The following ANKRD44 variants were observed in gnomAD, a reference collection of about 807,000 sequenced individuals.
ANKRD44 encodes the protein serine/threonine-protein phosphatase 6 regulatory ankyrin repeat subunit B.
Under a neutral mutation model 116.0 loss-of-function variants are expected in ANKRD44, and 35 were observed. The ratio of observed to expected loss-of-function variants is 0.30; its 90% CI spans 0.23 to 0.40. The LOEUF is 0.40. Among genes scored for constraint, ANKRD44 ranks in the 10% least tolerant of loss-of-function variants. The probability of loss-of-function intolerance (pLI) is 1.00; values close to 1 mark genes in which losing one functional copy is unlikely to be tolerated. For missense variants in ANKRD44, 1,014 were observed against 1,242.6 expected, an observed-to-expected ratio of 0.82 and a Z score of 2.77; for synonymous variants, 435 against 461.8, an observed-to-expected ratio of 0.94 and a Z score of 0.74.
At chr2:197,181,427 T>C (rs1178932353) in intron 2 of ANKRD44, among the ~76,000 whole-genome samples, 2 of 152,212 alleles carry the variant, frequency 1.3e-5, no homozygotes, top group African/African-American at 4.8e-5. Flanking sequence ...GAAATAAACA[T>C]CATGGATTTG....
At chr2:197,013,890 C>T (rs2076341490) in intron 17 of ANKRD44, among the ~76,000 whole-genome samples, 178 bp from the exon 18 acceptor site, 1 of 152,236 alleles carries the variant, frequency 6.6e-6, no homozygotes, top group African/African-American at 2.4e-5. Flanking sequence ...GACTGAAACA[C>T]TACAATGCAC....
At chr2:197,161,513 C>T (rs2079964436) in intron 2 of ANKRD44, among the ~76,000 whole-genome samples, 1 of 152,122 alleles carries the variant, frequency 6.6e-6, no homozygotes, top group Admixed American at 6.5e-5. Flanking sequence ...ATCAAGAATG[C>T]AAGAATAGAG....
At chr2:197,256,364 T>C (rs2082447103) in intron 1 of ANKRD44, among the ~76,000 whole-genome samples, 1 of 152,218 alleles carries the variant, frequency 6.6e-6, no homozygotes, top group Non-Finnish European at 1.5e-5. Context: ...TGACTATGTG[T>C]CTTTGAAAGG....
chr2:197,288,029 A>AAAG (rs2083456069), intron 1 of ANKRD44, among the ~76,000 whole-genome samples: 1 of 151,362 alleles, frequency 6.6e-6, no homozygotes, highest in Admixed American at 6.6e-5. Context: ...CAAAAAAAAA[A>AAAG]AAAAAAAGAA....
At chr2:197,123,829 C>T (rs1672870361) in intron 6 of ANKRD44, among the ~76,000 whole-genome samples, 1 of 151,998 alleles carries the variant, frequency 6.6e-6, no homozygotes, top group South Asian at 2.1e-4. Flanking sequence ...AAATTTGACT[C>T]TTTTCTCTCC....
chr2:197,008,896 C>T, intron 19 of ANKRD44, 48 bp downstream of exon 19: 1 of 1,529,002 alleles, frequency 6.5e-7, no homozygotes, highest in Non-Finnish European at 9.1e-7. Flanking sequence ...AACCAGGTAG[C>T]TGCTGTGATT....
chr2:197,220,597 G>T (rs1488736490), intron 1 of ANKRD44, among the ~76,000 whole-genome samples: 1 of 152,156 alleles, frequency 6.6e-6, no homozygotes, highest in African/African-American at 2.4e-5. Context: ...GCTAGACAAT[G>T]AATGCTTCAA....
intron 1 of ANKRD44, among the ~76,000 whole-genome samples, chr2:197,246,350 CTTTTTTT>C (rs67655796): frequency 1.1e-4 from 7 of 65,868 alleles, no homozygotes; most frequent in East Asian, 6.3e-4. Flanking sequence ...CTACATCTGG[CTTTTTTT>C]TTTTTTTTTT....
intron 16 of ANKRD44, among the ~76,000 whole-genome samples, chr2:197,055,141 G>A (rs542104571): frequency 6.6e-6 from 1 of 152,272 alleles, no homozygotes; most frequent in South Asian, 2.1e-4. Flanking sequence ...GGCAGCAATG[G>A]AACACTAACA....
chr2:197,061,357 C>A (rs2077308093), intron 16 of ANKRD44, among the ~76,000 whole-genome samples: 1 of 152,202 alleles, frequency 6.6e-6, no homozygotes. Flanking sequence ...TGGTAGAGTG[C>A]AGACCCCATA....
chr2:197,015,486 C>A, intron 17 of ANKRD44: 2 of 474,778 alleles, frequency 4.2e-6, no homozygotes, highest in South Asian at 2.4e-5. Flanking sequence ...TGAAAGAGAC[C>A]CATTCTATAC....
At chr2:197,097,821 C>A (rs79409481) in intron 10 of ANKRD44, among the ~76,000 whole-genome samples, 240 of 152,350 alleles carry the variant, frequency 1.6e-3, no homozygotes, top group East Asian at 0.013. Context: ...AATTCTTTAA[C>A]AGCTTCCGAA....
At chr2:197,151,918 G>A (rs954688890) in intron 2 of ANKRD44, among the ~76,000 whole-genome samples, 5 of 152,184 alleles carry the variant, frequency 3.3e-5, no homozygotes, top group East Asian at 3.9e-4. Context: ...ATCCGAACTG[G>A]CCTGTGCAGT....
At chr2:196,973,226 T>C (rs1375887867) in intron 21 of ANKRD44, among the ~76,000 whole-genome samples, 1 of 152,194 alleles carries the variant, frequency 6.6e-6, no homozygotes, top group Non-Finnish European at 1.5e-5. Context: ...TTTTGAATAT[T>C]TAGATTTCTT....
intron 1 of ANKRD44, among the ~76,000 whole-genome samples, chr2:197,272,770 C>A (rs1184869714): frequency 6.6e-6 from 1 of 152,102 alleles, no homozygotes; most frequent in Non-Finnish European, 1.5e-5. Context: ...TGGACCCTCA[C>A]CAGACACCAA....
chr2:197,226,661 CAA>C (rs36091883), intron 1 of ANKRD44, among the ~76,000 whole-genome samples: 2 of 149,472 alleles, frequency 1.3e-5, no homozygotes, highest in African/African-American at 5.0e-5. Context: ...GACTCCGTCT[CAA>C]AAAAAAAAGT....
intron 1 of ANKRD44, among the ~76,000 whole-genome samples, chr2:197,304,347 T>G (rs373996994): frequency 1.3e-5 from 2 of 152,234 alleles, no homozygotes; most frequent in African/African-American, 4.8e-5. Context: ...ATAAAATGGG[T>G]AATCTTAGAT....
At chr2:196,982,692 T>C (rs1163746858), downstream of ANKRD44, among the ~76,000 whole-genome samples, 5 of 152,204 alleles carry the variant, frequency 3.3e-5, no homozygotes, top group Non-Finnish European at 7.3e-5. Context: ...TCCAAGCCAC[T>C]ATATTTACTT....
intron 16 of ANKRD44, among the ~76,000 whole-genome samples, chr2:197,034,608 T>TA (rs1336358905): frequency 6.6e-6 from 1 of 151,894 alleles, no homozygotes; most frequent in Non-Finnish European, 1.5e-5. Context: ...TACCTAATCT[T>TA]ATTTTTTAAG....
Sources: gnomAD v4.1 joint callset for allele counts (sites outside exome capture counted in the v4.1 genomes callset) on GRCh38, gnomAD v4.1.1 for gene constraint, MANE v1.5 for transcripts, NCBI Gene and HGNC (gene_info 2026-07-23, HGNC 2026-07-21) for gene names.